Variants in ASTN2 observed in about 807,000 individuals in gnomAD.
ASTN2 encodes astrotactin 2, also known as astrotactin-2.
A neutral mutation model predicts 139.8 loss-of-function variants in ASTN2; 54 were observed. The observed-to-expected ratio is 0.39, with a 90% CI of 0.31 to 0.48. ASTN2 has a LOEUF of 0.48. Ranked by LOEUF, ASTN2 falls within the 20% of genes least tolerant of loss-of-function variation. ASTN2 has a pLI of 0.95. For missense variants in ASTN2, 1,565 were observed against 1,725.1 expected (o/e 0.91, Z 1.64); for synonymous variants, 756 against 719.5 (o/e 1.05, Z -0.81).
At chr9:116,901,090 T>TTGTGTG (rs59919446) in intron 10 of ASTN2, among the ~76,000 whole-genome samples, 61 of 149,634 alleles carry the variant, frequency 4.1e-4, no homozygotes, top group Non-Finnish European at 6.1e-4. Flanking sequence ...CGGCTACTGA[T>TTGTGTG]TGTGTGTGTG....
intron 19 of ASTN2, among the ~76,000 whole-genome samples, chr9:116,526,693 A>G (rs183801132): frequency 4.0e-5 from 6 of 151,778 alleles, no homozygotes; most frequent in Admixed American, 2.6e-4. Flanking sequence ...AGTAAATTTT[A>G]GTTTCAGAAA....
At chr9:116,843,898 T>G (rs966655529) in intron 11 of ASTN2, among the ~76,000 whole-genome samples, 3 of 152,180 alleles carry the variant, frequency 2.0e-5, no homozygotes, top group African/African-American at 7.2e-5. Flanking sequence ...CCTGCACATG[T>G]ACCCTCTGAA....
At chr9:116,920,892 T>G (rs1400857271) in intron 10 of ASTN2, among the ~76,000 whole-genome samples, 1 of 152,206 alleles carries the variant, frequency 6.6e-6, no homozygotes, top group East Asian at 1.9e-4. Context: ...AAAGCCTGCT[T>G]TATTTTAGAC....
intron 7 of ASTN2, among the ~76,000 whole-genome samples, chr9:117,007,330 C>T (rs928141378): frequency 6.6e-6 from 1 of 152,162 alleles, no homozygotes; most frequent in Non-Finnish European, 1.5e-5. Context: ...TTGACCACTG[C>T]AGCACTGTCC....
chr9:117,185,113 C>G (rs890542721), intron 3 of ASTN2, among the ~76,000 whole-genome samples: 4 of 152,136 alleles, frequency 2.6e-5, no homozygotes, highest in African/African-American at 9.7e-5. Flanking sequence ...CCAGAAAGCC[C>G]TGACGTTATA....
At chr9:116,465,544 T>G (rs554028772) in intron 20 of ASTN2, among the ~76,000 whole-genome samples, 42 of 152,360 alleles carry the variant, frequency 2.8e-4, no homozygotes, top group Non-Finnish European at 5.4e-4. Context: ...AGGAGAGAGA[T>G]AACATCCAGT....
chr9:117,040,057 T>G, intron 5 of ASTN2, 92 bp from the exon 6 acceptor site: 1 of 1,373,436 alleles, frequency 7.3e-7, no homozygotes, highest in East Asian at 2.5e-5. Flanking sequence ...ATTTTCCAGT[T>G]GGGAATCTGA....
At chr9:116,427,238 C>T (rs984452086) in intron 22 of ASTN2, among the ~76,000 whole-genome samples, 7 of 152,254 alleles carry the variant, frequency 4.6e-5, no homozygotes, top group Non-Finnish European at 7.4e-5. Context: ...TTGCCCCGGT[C>T]GTGAAGTGTG....
chr9:116,803,677 A>G (rs1830957732), intron 13 of ASTN2, among the ~76,000 whole-genome samples: 1 of 150,806 alleles, frequency 6.6e-6, no homozygotes, highest in Non-Finnish European at 1.5e-5. Flanking sequence ...GGCGCCTGCC[A>G]CTACGCCTGG....
intron 5 of ASTN2, among the ~76,000 whole-genome samples, chr9:117,089,724 T>C (rs532450733): frequency 6.7e-6 from 1 of 150,252 alleles, no homozygotes; most frequent in South Asian, 2.2e-4. Context: ...GTATTCTTCT[T>C]ATGCCTTTGC....
At chr9:116,485,196 C>A (rs536681465) in intron 20 of ASTN2, among the ~76,000 whole-genome samples, 1 of 152,278 alleles carries the variant, frequency 6.6e-6, no homozygotes, top group African/African-American at 2.4e-5. Context: ...TCCATGATCC[C>A]TTCAAGTCCT....
At chr9:117,161,678 A>T (rs1305844980) in intron 3 of ASTN2, among the ~76,000 whole-genome samples, 2 of 151,966 alleles carry the variant, frequency 1.3e-5, no homozygotes, top group Non-Finnish European at 2.9e-5. Flanking sequence ...ACAGGCATGA[A>T]CCCCTGTGCA....
intron 1 of ASTN2, among the ~76,000 whole-genome samples, chr9:117,365,269 AAGAC>A (rs993476729): frequency 2.0e-5 from 3 of 151,814 alleles, no homozygotes; most frequent in East Asian, 1.9e-4. Context: ...GAGAGAAAAA[AAGAC>A]AGAAAGAAAG....
chr9:117,347,131 G>GA (rs1292826172), intron 1 of ASTN2, among the ~76,000 whole-genome samples: 1 of 151,984 alleles, frequency 6.6e-6, no homozygotes, highest in Non-Finnish European at 1.5e-5. Flanking sequence ...GAAAACTGTG[G>GA]AAAATATAAT....
chr9:116,513,071 AG>A (rs1487413878), intron 19 of ASTN2, among the ~76,000 whole-genome samples: 14 of 152,142 alleles, frequency 9.2e-5, no homozygotes, highest in Admixed American at 3.3e-4. Flanking sequence ...TTTGCTTGTT[AG>A]TTGATGCAGT....
intron 1 of ASTN2, among the ~76,000 whole-genome samples, chr9:117,350,534 A>G (rs1829355825): frequency 6.6e-6 from 1 of 151,804 alleles, no homozygotes; most frequent in Non-Finnish European, 1.5e-5. Context: ...AGCCTGGGCA[A>G]CAGAACGAGA....
intron 2 of ASTN2, among the ~76,000 whole-genome samples, chr9:117,238,274 GAA>G (rs1039688982): frequency 1.3e-5 from 2 of 152,136 alleles, no homozygotes; most frequent in Non-Finnish European, 2.9e-5. Flanking sequence ...ACAGCCACAG[GAA>G]AAGAGTGGGT....
At chr9:117,307,422 T>C (rs1300841266) in intron 1 of ASTN2, among the ~76,000 whole-genome samples, 1 of 152,208 alleles carries the variant, frequency 6.6e-6, no homozygotes, top group East Asian at 1.9e-4. Context: ...AGTATTTCTG[T>C]ATGTGTGCAC....
chr9:117,289,969 G>C (rs1288391973), intron 2 of ASTN2, among the ~76,000 whole-genome samples: 1 of 152,170 alleles, frequency 6.6e-6, no homozygotes, highest in Non-Finnish European at 1.5e-5. Context: ...GCCCTAATCA[G>C]AATGTCTAAT....
Sources: allele counts gnomAD v4.1 joint callset (sites outside exome capture counted in the v4.1 genomes callset), GRCh38; gene constraint gnomAD v4.1.1; transcripts MANE v1.5; gene names NCBI Gene and HGNC (gene_info 2026-07-23, HGNC 2026-07-21).